The following TOMM5 variants were observed in gnomAD, a reference collection of about 807,000 sequenced individuals.
TOMM5 encodes the protein translocase of outer mitochondrial membrane 5.
In TOMM5, 1 loss-of-function variant was observed where a neutral mutation model predicts 4.8. The ratio of observed to expected loss-of-function variants is 0.21; its 90% CI spans 0.07 to 0.99. TOMM5 has a LOEUF of 0.99. TOMM5 is among the 50% of genes least tolerant of loss of function. TOMM5 has a pLI of 0.60. For missense variants in TOMM5, 60 were observed against 66.6 expected (o/e 0.90, Z 0.35); for synonymous variants, 26 against 26.7 (o/e 0.97, Z 0.08).
chr9:37,589,308 T>C (rs916276866), intron 1 of TOMM5, among the ~76,000 whole-genome samples: 4 of 152,370 alleles, frequency 2.6e-5, no homozygotes, highest in South Asian at 4.1e-4. Context: ...AAAAACTCAT[T>C]TGAAAGGCAG....
intron 1 of TOMM5, among the ~76,000 whole-genome samples, chr9:37,589,771 C>T (rs960806145): frequency 2.0e-5 from 3 of 152,170 alleles, no homozygotes; most frequent in African/African-American, 4.8e-5. Flanking sequence ...ATCTGCCCGC[C>T]TCAGCCCCGC....
chr9:37,590,236 T>TA (rs561787914), intron 1 of TOMM5, among the ~76,000 whole-genome samples: 27 of 151,890 alleles, frequency 1.8e-4, no homozygotes, highest in African/African-American at 6.5e-4. Context: ...CTACAAAAAA[T>TA]AAAAAATTAG....
intron 1 of TOMM5, among the ~76,000 whole-genome samples, chr9:37,589,350 G>A (rs553291928): frequency 7.5e-4 from 114 of 152,284 alleles, no homozygotes; most frequent in South Asian, 2.5e-3. Flanking sequence ...CTAGAGAACC[G>A]GAAGAGCTGG....
At chr9:37,592,196 T>G in intron 1 of TOMM5, 1 of 1,501,874 alleles carries the variant, frequency 6.7e-7, no homozygotes, top group Non-Finnish European at 8.9e-7. Flanking sequence ...CCAGGATGAT[T>G]AAACACGCGC....
At chr9:37,591,736 G>C (rs1377128101) in intron 1 of TOMM5, among the ~76,000 whole-genome samples, 1 of 151,638 alleles carries the variant, frequency 6.6e-6, no homozygotes, top group Non-Finnish European at 1.5e-5. Context: ...GAAGGAACCT[G>C]GTACTGAGTT....
chr9:37,588,802 G>A lies in TOMM5; in HGVS notation c.*96C>T, dbSNP rs769613287. Reference sequence around the variant, plus strand: ...GCAGAATTTTATGTCCATTCAAAGAGTCTCTTACACCTTTCTGGGCCTATT... The same window carrying A: ...GCAGAATTTTATGTCCATTCAAAGAATCTCTTACACCTTTCTGGGCCTATT... On this transcript the variant is annotated 3_prime_UTR_variant, in exon 2 of 2. Coordinates refer to ENST00000321301, the MANE Select transcript of TOMM5 (RefSeq NM_001001790.3). The A allele has an allele frequency of 8.1e-7, 1 of 1,241,932 alleles. No homozygotes were observed. Among genetic ancestry groups the A allele is most frequent in the Non-Finnish European group, 1.2e-6 (1 of 842,012 alleles). The allele number at this position is 1,241,932 out of a possible 1,614,324, so 76.9% of individuals were successfully genotyped here.
At chr9:37,589,370 T>A (rs1052500624) in intron 1 of TOMM5, among the ~76,000 whole-genome samples, 13 of 152,208 alleles carry the variant, frequency 8.5e-5, no homozygotes, top group Non-Finnish European at 1.6e-4. Context: ...GACACCTATT[T>A]TGGGTCTCTT....
chr9:37,590,403 C>CA (rs1260316101), intron 1 of TOMM5, among the ~76,000 whole-genome samples: 4 of 143,722 alleles, frequency 2.8e-5, no homozygotes, highest in Non-Finnish European at 4.5e-5. Context: ...AAGACCGTCT[C>CA]AAAAAAAAGA....
intron 1 of TOMM5, among the ~76,000 whole-genome samples, chr9:37,589,472 A>C (rs1035119630): frequency 6.6e-6 from 1 of 152,244 alleles, no homozygotes; most frequent in African/African-American, 2.4e-5. Flanking sequence ...GATCATGTAC[A>C]TAGAAATGTC....
chr9:37,592,401 G>A lies in TOMM5; in HGVS notation c.121+11C>T, dbSNP rs751936933. 2 of 1,614,040 alleles carry A rather than the reference G, an allele frequency of 1.2e-6. No individual in the cohort carries two copies. The highest frequency in any genetic ancestry group is 1.1e-5 in the South Asian group (1 of 91,040). On this transcript the variant is annotated intron_variant, in intron 1 of 1. Transcript: ENST00000321301. ...CGCTGGTCTCACAGTCACAGCCCGGGAGACACTCACTGACTCGCAGGAGGG... is the reference window on the plus strand; with the variant it reads ...CGCTGGTCTCACAGTCACAGCCCGGAAGACACTCACTGACTCGCAGGAGGG...
rs562589760 is a variant in TOMM5, at chr9:37,588,694, C to T, written c.*204G>A. 4.2e-5 allele frequency: 29 copies of T among 695,916 alleles called. No homozygotes were observed. The highest frequency in any genetic ancestry group is 3.2e-4 in the African/African-American group (18 of 57,084). The allele number at this position is 695,916 out of a possible 1,614,324, so 43.1% of individuals were successfully genotyped here. ...ACAGGGATAAGGGTACACCAGATCACGAGACATCGTTTCATACTTCCCAAA... is the reference window on the plus strand; with the variant it reads ...ACAGGGATAAGGGTACACCAGATCATGAGACATCGTTTCATACTTCCCAAA... On this transcript the variant is annotated 3_prime_UTR_variant, in exon 2 of 2. Transcript: ENST00000321301.
chr9:37,590,373 A>G (rs1406654493), intron 1 of TOMM5, among the ~76,000 whole-genome samples: 1 of 152,086 alleles, frequency 6.6e-6, no homozygotes, highest in Non-Finnish European at 1.5e-5. Flanking sequence ...ACCTCTGCAC[A>G]CTAGCTTAGG....
intron 1 of TOMM5, among the ~76,000 whole-genome samples, chr9:37,589,470 AC>A (rs1002165248): frequency 1.3e-5 from 2 of 152,222 alleles, no homozygotes; most frequent in Non-Finnish European, 2.9e-5. Context: ...AAGATCATGT[AC>A]ATAGAAATGT....
rs769318338 is a variant in TOMM5, at chr9:37,588,617, C to T, written c.*281G>A. On this transcript the variant is annotated 3_prime_UTR_variant, in exon 2 of 2. Coordinates refer to ENST00000321301, the MANE Select transcript of TOMM5 (RefSeq NM_001001790.3). Reference sequence around the variant, plus strand: ...AGCTCCCTTAATACTTGCTAGAAAACGGAGTTTGACATTATTTACAATTAT... The same window carrying T: ...AGCTCCCTTAATACTTGCTAGAAAATGGAGTTTGACATTATTTACAATTAT... 19 of 561,496 alleles carry T rather than the reference C, an allele frequency of 3.4e-5. No homozygotes were observed. Among genetic ancestry groups the T allele is most frequent in the Non-Finnish European group, 4.9e-5 (15 of 307,532 alleles). 34.8% of individuals were successfully genotyped at this position (561,496 alleles called of 1,614,324 possible).
At chr9:37,592,220 T>C (rs769686747) in intron 1 of TOMM5, 192 bp downstream of exon 1, 7 of 1,525,174 alleles carry the variant, frequency 4.6e-6, no homozygotes, top group Non-Finnish European at 6.2e-6. Flanking sequence ...GGCCACCACG[T>C]GCACTTCAGT....
chr9:37,592,155 G>C (rs917417704), intron 1 of TOMM5: 3 of 1,416,724 alleles, frequency 2.1e-6, no homozygotes, highest in African/African-American at 1.4e-5. Context: ...CAACGCGCCC[G>C]GCAGCTCAAA....
rs1346935612 is a variant in TOMM5 at position 37,592,563 on chromosome 9, C to A, written c.-31G>T. ...CTCTGACTTAGCAGCTTCCAGCCGC[C>A]GCGCTCTGCTCTCCACGGTGGCCGC... On this transcript the variant is annotated 5_prime_UTR_variant, in exon 1 of 2. Coordinates refer to ENST00000321301, the MANE Select transcript of TOMM5 (RefSeq NM_001001790.3). 3 of 1,602,276 alleles carry A rather than the reference C, an allele frequency of 1.9e-6. No homozygotes were observed. Among genetic ancestry groups the A allele is most frequent in the South Asian group, 2.2e-5 (2 of 90,070 alleles).
chr9:37,592,573 T>G lies in TOMM5; in HGVS notation c.-41A>C. On this transcript the variant is annotated 5_prime_UTR_variant, in exon 1 of 2. Coordinates refer to ENST00000321301, the MANE Select transcript of TOMM5 (RefSeq NM_001001790.3). Reference sequence around the variant, plus strand: ...GCAGCTTCCAGCCGCCGCGCTCTGCTCTCCACGGTGGCCGCCTCGCGCCCG... The same window carrying G: ...GCAGCTTCCAGCCGCCGCGCTCTGCGCTCCACGGTGGCCGCCTCGCGCCCG... 2 of 1,594,412 alleles carry G rather than the reference T, an allele frequency of 1.3e-6. No homozygotes were observed. Among genetic ancestry groups the G allele is most frequent in the African/African-American group, 1.3e-5 (1 of 74,564 alleles).
intron 1 of TOMM5, among the ~76,000 whole-genome samples, chr9:37,589,741 T>G (rs1005762002): frequency 6.6e-6 from 1 of 152,186 alleles, no homozygotes; most frequent in Non-Finnish European, 1.5e-5. Context: ...AGGCTGGTCT[T>G]GAACTCCTGA....
Sources: gnomAD v4.1 joint callset for allele counts (sites outside exome capture counted in the v4.1 genomes callset) on GRCh38, gnomAD v4.1.1 for gene constraint, MANE v1.5 for transcripts, NCBI Gene and HGNC (gene_info 2026-07-23, HGNC 2026-07-21) for gene names.